Variants in TPTE observed in about 807,000 individuals in gnomAD.
TPTE encodes the protein putative tyrosine-protein phosphatase TPTE.
A neutral mutation model predicts 84.1 loss-of-function variants in TPTE; 59 were observed. That is an observed-to-expected ratio of 0.70 (90% CI 0.57 to 0.87). The LOEUF is 0.87. Ranked by LOEUF, TPTE falls within the 40% of genes least tolerant of loss-of-function variation. The pLI, the probability that TPTE is intolerant of heterozygous loss-of-function variation, is 0.00. For synonymous variants in TPTE, 130 were observed against 223.5 expected (o/e 0.58, Z 3.73); for missense variants, 382 against 659.6 (o/e 0.58, Z 4.61).
intron 3 of TPTE, among the ~76,000 whole-genome samples, chr21:10,532,235 AC>A (rs1337006363): frequency 7.2e-5 from 11 of 152,298 alleles, no homozygotes; most frequent in African/African-American, 2.7e-4. Context: ...ATTTTCTTGC[AC>A]TAATGTTAGT....
chr21:10,533,383 T>TA (rs1369082011), intron 3 of TPTE, among the ~76,000 whole-genome samples: 4 of 152,308 alleles, frequency 2.6e-5, no homozygotes, highest in African/African-American at 9.6e-5. Context: ...ATGCTTACTT[T>TA]AAAATCTTGG....
chr21:10,535,189 T>C (rs1472623169), intron 3 of TPTE, among the ~76,000 whole-genome samples: 2 of 152,312 alleles, frequency 1.3e-5, no homozygotes, highest in African/African-American at 4.8e-5. Context: ...TGTTTGTATC[T>C]GAGTAATATG....
At chr21:10,563,668 A>T (rs2074853124) in intron 10 of TPTE, among the ~76,000 whole-genome samples, 1 of 152,302 alleles carries the variant, frequency 6.6e-6, no homozygotes, top group Non-Finnish European at 1.5e-5. Context: ...AAAAAACAAG[A>T]AACTAAATCA....
At chr21:10,538,100 G>A (rs923412633) in intron 3 of TPTE, among the ~76,000 whole-genome samples, 1 of 152,310 alleles carries the variant, frequency 6.6e-6, no homozygotes, top group African/African-American at 2.4e-5. Context: ...ATCCTCTTTG[G>A]AAACAGGAAA....
At position 10,570,566 on chromosome 21, in the gene TPTE, G is replaced by A; in HGVS notation, c.795+17G>A. The A allele has an allele frequency of 6.2e-7, 1 of 1,613,982 alleles. No individual in the cohort carries two copies. Among genetic ancestry groups the A allele is most frequent in the South Asian group, 1.1e-5 (1 of 91,070 alleles). On this transcript the variant is annotated intron_variant, in intron 14 of 23. Coordinates refer to ENST00000618007, the MANE Select transcript of TPTE (RefSeq NM_199261.4). ...CCAATCAAGGTAAGGGTCTTTATCT[G>A]ACAAATACTCATTTCTTAGTGAATG...
At chr21:10,601,905 G>A (rs1290963968) in intron 21 of TPTE, among the ~76,000 whole-genome samples, 153 bp from the exon 22 acceptor site, 2 of 152,310 alleles carry the variant, frequency 1.3e-5, no homozygotes, top group African/African-American at 4.8e-5. Context: ...ATTGCAACTA[G>A]AAGAGATTAT....
At chr21:10,528,445 A>G (rs2074119368) in intron 3 of TPTE, among the ~76,000 whole-genome samples, 1 of 152,310 alleles carries the variant, frequency 6.6e-6, no homozygotes, top group Non-Finnish European at 1.5e-5. Context: ...GGTTTTAAGT[A>G]AGCTAAGTCA....
chr21:10,603,748 C>G, intron 23 of TPTE, 116 bp downstream of exon 23: 2 of 1,280,012 alleles, frequency 1.6e-6, no homozygotes, highest in Admixed American at 2.2e-5. Flanking sequence ...AGCAAAAAAT[C>G]CTTGAACCAC....
chr21:10,569,636 T>C lies in TPTE; in HGVS notation c.667-47T>C, dbSNP rs765984506. ...TATACTGTATAATGTTTTTTATTTT[T>C]ATGTTGATGAGTGTTTCACAAACTA... On this transcript the variant is annotated intron_variant, in intron 12 of 23. Coordinates refer to ENST00000618007, the MANE Select transcript of TPTE (RefSeq NM_199261.4). The C allele has an allele frequency of 9.3e-6, 15 of 1,613,868 alleles. No homozygotes were observed. In the South Asian group the frequency reaches 1.5e-4, roughly 17 times the overall value.
intron 3 of TPTE, among the ~76,000 whole-genome samples, chr21:10,534,453 T>C (rs939618253): frequency 2.0e-5 from 3 of 152,308 alleles, no homozygotes; most frequent in African/African-American, 7.2e-5. Flanking sequence ...TTTGTTTGTT[T>C]TGTTTTTTTT....
At position 10,534,194 on chromosome 21, in the gene TPTE, A is replaced by T. The variant is rs563567325; in HGVS notation, c.-43-4487A>T. On this transcript the variant is annotated intron_variant, in intron 3 of 23. Coordinates refer to ENST00000618007, the MANE Select transcript of TPTE (RefSeq NM_199261.4). ...TTTCATTTAATTAAACAACTATATC[A>T]CCTTGAAGCTCCTGAACAAAGCAGC... 2.6e-5 allele frequency among the ~76,000 whole-genome samples: 4 copies of T among 152,428 alleles called. No homozygotes were observed. In the South Asian group the frequency reaches 8.3e-4, roughly 32 times the overall value.
intron 14 of TPTE, among the ~76,000 whole-genome samples, chr21:10,570,888 G>A (rs1295224936): frequency 6.6e-6 from 1 of 152,308 alleles, no homozygotes; most frequent in African/African-American, 2.4e-5. Flanking sequence ...GTCATCTGAG[G>A]ACTGGTTTAG....
intron 8 of TPTE, among the ~76,000 whole-genome samples, chr21:10,558,868 T>C (rs1400569383): frequency 1.3e-5 from 2 of 152,302 alleles, no homozygotes; most frequent in Non-Finnish European, 2.9e-5. Context: ...TGAGGCATTA[T>C]TGGAGGCTCC....
At chr21:10,583,423 A>AT (rs2075304155) in intron 17 of TPTE, among the ~76,000 whole-genome samples, 1 of 152,302 alleles carries the variant, frequency 6.6e-6, no homozygotes. Flanking sequence ...TTTCTCCTGG[A>AT]TTATTCATCT....
chr21:10,584,338 T>C (rs1395250028), intron 17 of TPTE, among the ~76,000 whole-genome samples: 3 of 27,208 alleles, frequency 1.1e-4, no homozygotes, highest in African/African-American at 9.4e-4. Flanking sequence ...CTAAACTCAC[T>C]TTTTTTTTTT....
At chr21:10,557,395 A>T (rs1440211374) in intron 8 of TPTE, among the ~76,000 whole-genome samples, 1 of 152,308 alleles carries the variant, frequency 6.6e-6, no homozygotes, top group Non-Finnish European at 1.5e-5. Flanking sequence ...GTACACTGAA[A>T]CAGATTAAGG....
intron 7 of TPTE, among the ~76,000 whole-genome samples, chr21:10,550,804 C>A (rs1334494153): frequency 1.3e-5 from 2 of 152,308 alleles, no homozygotes; most frequent in African/African-American, 4.8e-5. Flanking sequence ...AATACACATT[C>A]TTTTCATCAG....
chr21:10,535,367 A>G (rs1252217846), intron 3 of TPTE, among the ~76,000 whole-genome samples: 2 of 152,308 alleles, frequency 1.3e-5, no homozygotes, highest in Non-Finnish European at 2.9e-5. Context: ...ACAGAAACAT[A>G]AAACAATGAA....
At chr21:10,538,858 C>G (rs2074315924) in intron 4 of TPTE, 124 bp downstream of exon 4, 1 of 1,596,836 alleles carries the variant, frequency 6.3e-7, no homozygotes. Context: ...GTACACACTT[C>G]TCTCAAACAC....
Sources: allele counts gnomAD v4.1 joint callset (sites outside exome capture counted in the v4.1 genomes callset), GRCh38; gene constraint gnomAD v4.1.1; transcripts MANE v1.5; gene names NCBI Gene and HGNC (gene_info 2026-07-23, HGNC 2026-07-21).